ARSJ: variants seen among roughly 807,000 people sequenced by gnomAD.
ARSJ encodes arylsulfatase family member J, also known as arylsulfatase J.
ARSJ carries 26 observed loss-of-function variants against 35.9 expected under a neutral mutation model. The observed-to-expected ratio is 0.72, with a 90% CI of 0.53 to 1.00. The LOEUF is 1.00. Ranked by LOEUF, ARSJ falls within the 50% of genes least tolerant of loss-of-function variation. The pLI is 0.00. For synonymous variants in ARSJ, 294 were observed against 267.6 expected (o/e 1.10, Z -0.96); for missense variants, 667 against 723.6 (o/e 0.92, Z 0.90).
intron 1 of ARSJ, among the ~76,000 whole-genome samples, chr4:113,907,217 A>T (rs1158022691): frequency 1.3e-5 from 2 of 152,246 alleles, no homozygotes; most frequent in East Asian, 3.8e-4. Context: ...GGATTTGTAA[A>T]CCGGATAGTG....
intron 1 of ARSJ, among the ~76,000 whole-genome samples, chr4:113,945,495 G>T (rs892836193): frequency 5.3e-5 from 8 of 152,088 alleles, no homozygotes; most frequent in Admixed American, 3.3e-4. Context: ...GAGGACAGAA[G>T]TAAGTAAACT....
At position 113,902,531 on chromosome 4, in the gene ARSJ, T is replaced by G. The variant is rs2099667439; in HGVS notation, c.1543A>C (p.Ile515Leu). The change falls in exon 2 of 2, where the codon ATC becomes CTC. Residue 515 changes from isoleucine (I) to leucine (L), a missense_variant. Ile to Leu is a conservative substitution (Grantham distance 5). Transcript: ENST00000315366. ...AGCCTCCGTAGGAGCTTCTTCACGA[T>G]TCCTGGATACCTGTTAGATAGGTCC... ...RVDLSNRYPGIVKKLLRRLSQ... is the reference protein window; with the variant it reads ...RVDLSNRYPGLVKKLLRRLSQ... The G allele has an allele frequency of 6.2e-7, 1 of 1,614,048 alleles. No individual in the cohort carries two copies. Among genetic ancestry groups the G allele is most frequent in the African/African-American group, 1.3e-5 (1 of 74,926 alleles).
rs775465742 is a variant in ARSJ at position 113,978,661 on chromosome 4, T to A, written c.174A>T (p.Leu58Phe). ...CTAGTTTCTCTCCAGCTTGAGCTAGTAAGGCCCCTTCTTCCTCCTCTTCTA... is the reference window on the plus strand; with the variant it reads ...CTAGTTTCTCTCCAGCTTGAGCTAGAAAGGCCCCTTCTTCCTCCTCTTCTA... ...QALEEEEEGA[L>F]LAQAGEKLEP... Residue 58 changes from leucine (L) to phenylalanine (F), a missense_variant, in exon 1 of 2, where the codon TTA (leucine) becomes TTT (phenylalanine). By Grantham distance (22) the Leu-to-Phe change is conservative. Coordinates refer to ENST00000315366, the MANE Select transcript of ARSJ (RefSeq NM_024590.4). The A allele has an allele frequency of 2.5e-6, 4 of 1,614,234 alleles. No homozygotes were observed. Among genetic ancestry groups the A allele is most frequent in the Non-Finnish European group, 2.5e-6 (3 of 1,180,036 alleles).
chr4:113,974,101 T>A (rs1214964582), intron 1 of ARSJ, among the ~76,000 whole-genome samples: 1 of 152,062 alleles, frequency 6.6e-6, no homozygotes, highest in Non-Finnish European at 1.5e-5. Context: ...GAAAAAATAA[T>A]CTTGAACTCT....
At chr4:113,947,909 C>T (rs773339969) in intron 1 of ARSJ, among the ~76,000 whole-genome samples, 1 of 152,048 alleles carries the variant, frequency 6.6e-6, no homozygotes, top group African/African-American at 2.4e-5. Context: ...AATACATTGG[C>T]CAGGCATGGT....
rs1383187800 is a variant in ARSJ at position 113,900,285 on chromosome 4, A to C, written c.*1989T>G. On this transcript the variant is annotated 3_prime_UTR_variant, in exon 2 of 2. Transcript: ENST00000315366. ...ATTTATGTGCCACCAGGAAAGAAAA[A>C]CATGAACAATATGCCTTTATTTTTA... 1 of 152,202 alleles carries C rather than the reference A, an allele frequency of 6.6e-6. No individual in the cohort carries two copies. Among genetic ancestry groups the C allele is most frequent in the Non-Finnish European group, 1.5e-5 (1 of 68,038 alleles). The allele number at this position is 152,202 out of a possible 1,614,324, so 9.4% of individuals were successfully genotyped here.
intron 1 of ARSJ, among the ~76,000 whole-genome samples, chr4:113,940,351 G>A (rs1423344099): frequency 1.3e-5 from 2 of 152,100 alleles, no homozygotes; most frequent in Non-Finnish European, 2.9e-5. Flanking sequence ...GACATGGATG[G>A]AGCTGGAAAC....
chr4:113,946,329 CAAT>C (rs1396031604), intron 1 of ARSJ: 8 of 151,984 alleles, frequency 5.3e-5, no homozygotes, highest in Admixed American at 5.3e-4. Context: ...TGCATGAAGA[CAAT>C]GATGCAGGCA....
chr4:113,974,636 G>T (rs1183641618), intron 1 of ARSJ, among the ~76,000 whole-genome samples: 1 of 152,106 alleles, frequency 6.6e-6, no homozygotes, highest in Non-Finnish European at 1.5e-5. Flanking sequence ...AGTGCATAAT[G>T]ACCAGAGTGG....
At chr4:113,951,107 T>A (rs140271527) in intron 1 of ARSJ, among the ~76,000 whole-genome samples, 1 of 152,112 alleles carries the variant, frequency 6.6e-6, no homozygotes, top group Admixed American at 6.6e-5. Context: ...TAAAGGCCCA[T>A]ACTTGTTACT....
chr4:113,975,020 A>AT (rs1487037900), intron 1 of ARSJ, among the ~76,000 whole-genome samples: 7 of 152,146 alleles, frequency 4.6e-5, no homozygotes, highest in South Asian at 4.1e-4. Flanking sequence ...ACATGGAAAA[A>AT]TTTTACAAAC....
chr4:113,903,793 C>G, intron 1 of ARSJ, 118 bp from the exon 2 acceptor site: 1 of 1,323,576 alleles, frequency 7.6e-7, no homozygotes, highest in Non-Finnish European at 1.0e-6. Flanking sequence ...TTATAATTGA[C>G]CCCAATGATA....
At chr4:113,913,977 A>G (rs933660970) in intron 1 of ARSJ, among the ~76,000 whole-genome samples, 3 of 151,934 alleles carry the variant, frequency 2.0e-5, no homozygotes, top group Non-Finnish European at 4.4e-5. Context: ...TTAAATTTTT[A>G]TTTATTTATT....
chr4:113,938,325 G>T (rs1238224133), intron 1 of ARSJ, among the ~76,000 whole-genome samples: 1 of 152,062 alleles, frequency 6.6e-6, no homozygotes, highest in African/African-American at 2.4e-5. Flanking sequence ...TGGGAGAACT[G>T]GCTAGGCCAT....
At position 113,978,951 on chromosome 4, in the gene ARSJ, T is replaced by G. The variant is rs1187105688; in HGVS notation, c.-117A>C. 9.1e-7 allele frequency: 1 copy of G among 1,093,302 alleles called. No individual in the cohort carries two copies. Among genetic ancestry groups the G allele is most frequent in the African/African-American group, 1.6e-5 (1 of 63,412 alleles). 67.7% of individuals were successfully genotyped at this position (1,093,302 alleles called of 1,614,324 possible). On this transcript the variant is annotated 5_prime_UTR_variant, in exon 1 of 2. Coordinates refer to ENST00000315366, the MANE Select transcript of ARSJ (RefSeq NM_024590.4). ...CTCCACCTGGCAAGAAATCCTCCTC[T>G]CCTCTCAGCTGTCACCATGTCCGAC...
At chr4:113,920,534 G>GT (rs936691317) in intron 1 of ARSJ, among the ~76,000 whole-genome samples, 3 of 152,078 alleles carry the variant, frequency 2.0e-5, no homozygotes, top group Admixed American at 2.0e-4. Flanking sequence ...CTTCAAGGGG[G>GT]TTTCAGTTCT....
chr4:113,936,847 A>G (rs909383089), intron 1 of ARSJ, among the ~76,000 whole-genome samples: 2 of 151,926 alleles, frequency 1.3e-5, no homozygotes, highest in East Asian at 1.9e-4. Context: ...TGAGAATACA[A>G]TAAACATTTG....
chr4:113,900,996 T>C lies in ARSJ; in HGVS notation c.*1278A>G, dbSNP rs2099666875. On this transcript the variant is annotated 3_prime_UTR_variant, in exon 2 of 2. Coordinates refer to ENST00000315366, the MANE Select transcript of ARSJ (RefSeq NM_024590.4). The stretch of plus-strand genomic sequence containing the variant: ...ACCAACCTAATATAAATGTTAGTTA[T>C]TATTATGGGAAAATCTTTCTCCATG... 1 of 152,162 alleles carries C rather than the reference T, an allele frequency of 6.6e-6. No homozygotes were observed. Among genetic ancestry groups the C allele is most frequent in the Admixed American group, 6.5e-5 (1 of 15,280 alleles). The allele number at this position is 152,162 out of a possible 1,614,324, so 9.4% of individuals were successfully genotyped here.
At chr4:113,961,863 G>A (rs1408535071) in intron 1 of ARSJ, among the ~76,000 whole-genome samples, 1 of 151,018 alleles carries the variant, frequency 6.6e-6, no homozygotes, top group East Asian at 1.9e-4. Flanking sequence ...GGAAAAACAT[G>A]TATGTGTGCC....
Sources: allele counts gnomAD v4.1 joint callset (sites outside exome capture counted in the v4.1 genomes callset), GRCh38; gene constraint gnomAD v4.1.1; transcripts MANE v1.5; gene names NCBI Gene and HGNC (gene_info 2026-07-23, HGNC 2026-07-21).